MRTFA: variants seen among roughly 807,000 people sequenced by gnomAD.
The protein encoded by MRTFA is myocardin related transcription factor A, also known as myocardin-related transcription factor A.
MRTFA carries 20 observed loss-of-function variants against 83.5 expected under a neutral mutation model. The ratio of observed to expected loss-of-function variants is 0.24; its 90% CI spans 0.17 to 0.35. The LOEUF (loss-of-function observed/expected upper bound fraction) is 0.35, where lower values mean the gene tolerates loss of function less well. Among genes scored for constraint, MRTFA ranks in the 10% least tolerant of loss-of-function variants. The probability of loss-of-function intolerance (pLI) is 1.00; values close to 1 mark genes in which losing one functional copy is unlikely to be tolerated. For synonymous variants in MRTFA, 659 were observed against 541.2 expected (o/e 1.22, Z -3.02); for missense variants, 1,200 against 1,224.7 (o/e 0.98, Z 0.30).
At chr22:40,561,871 T>C (rs1380279303) in intron 2 of MRTFA, among the ~76,000 whole-genome samples, 1 of 152,044 alleles carries the variant, frequency 6.6e-6, no homozygotes, top group African/African-American at 2.4e-5. Context: ...GGTATGCCAG[T>C]TCAGGGTCTA....
chr22:40,505,715 T>C (rs1325698712), intron 3 of MRTFA, among the ~76,000 whole-genome samples: 1 of 152,200 alleles, frequency 6.6e-6, no homozygotes, highest in Admixed American at 6.5e-5. Context: ...TTCTGCCTTA[T>C]GCCATATGAG....
chr22:40,444,745 C>T lies in MRTFA; in HGVS notation c.308-9191G>A, dbSNP rs183717825. Among the ~76,000 whole-genome samples the T allele has an allele frequency of 9.0e-4, 137 of 151,888 alleles. 1 individual carries two copies. In the Middle Eastern group the frequency reaches 0.021, roughly 23 times the overall value. On this transcript the variant is annotated intron_variant, in intron 4 of 14. Coordinates refer to ENST00000355630, the MANE Select transcript of MRTFA (RefSeq NM_020831.6). ...TGCATGGAGGTGGGCAGGGGAGTTG[C>T]TTCTGACTTGATGTTTTATGTTTTA...
At chr22:40,413,609 A>T (rs2052610725) in intron 14 of MRTFA, among the ~76,000 whole-genome samples, 1 of 151,280 alleles carries the variant, frequency 6.6e-6, no homozygotes, top group Non-Finnish European at 1.5e-5. Context: ...GCCCGGATAA[A>T]TTTTTTGTAT....
rs143541937 is a variant in MRTFA, at chr22:40,520,603, C to T, written c.241+31503G>A. Among the ~76,000 whole-genome samples the T allele has an allele frequency of 8.8e-4, 134 of 152,206 alleles. 1 individual carries two copies. Among genetic ancestry groups the T allele is most frequent in the Admixed American group, 6.4e-3 (98 of 15,270 alleles). On this transcript the variant is annotated intron_variant, in intron 3 of 14. Coordinates refer to ENST00000355630, the MANE Select transcript of MRTFA (RefSeq NM_020831.6). Reference sequence around the variant, plus strand: ...CTGTATTTTTAGTAGACATAGGTTTCGCCATGTTGCCCAGGCTGGTCTCAA... The same window carrying T: ...CTGTATTTTTAGTAGACATAGGTTTTGCCATGTTGCCCAGGCTGGTCTCAA...
chr22:40,530,279 C>T (rs2055055408), intron 3 of MRTFA, among the ~76,000 whole-genome samples: 1 of 152,162 alleles, frequency 6.6e-6, no homozygotes, highest in African/African-American at 2.4e-5. Flanking sequence ...TCCATAATGT[C>T]CATCTTATTT....
intron 3 of MRTFA, among the ~76,000 whole-genome samples, chr22:40,525,204 T>C (rs907592943): frequency 1.3e-5 from 2 of 152,142 alleles, no homozygotes; most frequent in African/African-American, 4.8e-5. Context: ...AAATATAATG[T>C]CCCCTATGAA....
intron 1 of MRTFA, among the ~76,000 whole-genome samples, chr22:40,602,053 G>A (rs1602483244): frequency 6.6e-6 from 1 of 152,180 alleles, no homozygotes; most frequent in East Asian, 1.9e-4. Flanking sequence ...CCTGTTCCCT[G>A]GAATGTCCCA....
intron 2 of MRTFA, among the ~76,000 whole-genome samples, chr22:40,590,141 T>C (rs1315336997): frequency 2.0e-5 from 3 of 152,194 alleles, no homozygotes; most frequent in African/African-American, 7.2e-5. Context: ...TTAAACACTG[T>C]TAGCCAGGTT....
chr22:40,622,658 C>A (rs1194410820), intron 1 of MRTFA, among the ~76,000 whole-genome samples: 1 of 152,026 alleles, frequency 6.6e-6, no homozygotes, highest in East Asian at 1.9e-4. Flanking sequence ...AAGCCAGTAG[C>A]CACCAGAAGG....
At chr22:40,462,610 A>G (rs1368500194) in intron 4 of MRTFA, among the ~76,000 whole-genome samples, 1 of 152,180 alleles carries the variant, frequency 6.6e-6, no homozygotes, top group Non-Finnish European at 1.5e-5. Context: ...ATTAAAGGCA[A>G]ATTTCCTTAC....
At position 40,548,819 on chromosome 22, in the gene MRTFA, G is replaced by A. The variant is rs1046510490; in HGVS notation, c.241+3287C>T. Among the ~76,000 whole-genome samples, 16 of 151,296 alleles carry A rather than the reference G, an allele frequency of 1.1e-4. No individual in the cohort carries two copies. The East Asian group carries it at 2.0e-3, about 18-fold the overall frequency. ...GCGGAGGTTGCAGTGAGTCAAGATC[G>A]CGCCACTGCACTCCAGCCTGGCAAC... On this transcript the variant is annotated intron_variant, in intron 3 of 14. Transcript: ENST00000355630.
chr22:40,542,980 G>T (rs2055313358), intron 3 of MRTFA, among the ~76,000 whole-genome samples: 2 of 152,120 alleles, frequency 1.3e-5, no homozygotes, highest in African/African-American at 4.8e-5. Context: ...ACTCTATCTG[G>T]TATCTATTCT....
chr22:40,461,047 AT>A (rs2053701035), intron 4 of MRTFA, among the ~76,000 whole-genome samples: 1 of 151,474 alleles, frequency 6.6e-6, no homozygotes, highest in Non-Finnish European at 1.5e-5. Context: ...AAAAGTAAAA[AT>A]AATTAGCCAG....
At chr22:40,500,241 T>TC (rs1051299202) in intron 3 of MRTFA, among the ~76,000 whole-genome samples, 56 of 151,068 alleles carry the variant, frequency 3.7e-4, no homozygotes, top group Admixed American at 2.0e-4. Context: ...GTCTATGATT[T>TC]TTTTTTTTTT....
Position 40,424,347 on chromosome 22 carries a change from G to A in MRTFA, c.636C>T (p.Ser212=), listed in dbSNP as rs1481310829. The A allele has an allele frequency of 1.2e-6, 2 of 1,613,720 alleles. No individual in the cohort carries two copies. Among genetic ancestry groups the A allele is most frequent in the Admixed American group, 3.3e-5 (2 of 59,950 alleles). ...CGCTGCTGTCCTCATCGAAGGAAGA[G>A]CTGTCTGCTACTTTGGGATAGTTCA... The change falls in exon 8 of 15, where the codon AGC becomes AGT. Residue 212 remains serine, a synonymous_variant. Coordinates refer to ENST00000355630, the MANE Select transcript of MRTFA (RefSeq NM_020831.6).
chr22:40,553,534 C>T lies in MRTFA; in HGVS notation c.-21-1167G>A, dbSNP rs183842137. ...GCGTGCAAGCCCAAAACCTCAGCAG[C>T]CGCCATGTGGTGCTGAGCCTGCAGG... On this transcript the variant is annotated intron_variant, in intron 2 of 14. Coordinates refer to ENST00000355630, the MANE Select transcript of MRTFA (RefSeq NM_020831.6). 3.7e-3 allele frequency among the ~76,000 whole-genome samples: 564 copies of T among 152,268 alleles called. 8 individuals carry two copies. The highest frequency in any genetic ancestry group is 2.3e-3 in the Non-Finnish European group (158 of 68,022).
At chr22:40,616,057 C>T (rs1316285881) in intron 1 of MRTFA, among the ~76,000 whole-genome samples, 1 of 152,174 alleles carries the variant, frequency 6.6e-6, no homozygotes, top group South Asian at 2.1e-4. Context: ...TAAGTATACA[C>T]ATTTTTAAAA....
At chr22:40,596,819 C>CA (rs898742700) in intron 1 of MRTFA, among the ~76,000 whole-genome samples, 30 of 151,766 alleles carry the variant, frequency 2.0e-4, no homozygotes, top group African/African-American at 7.2e-4. Context: ...ACAACAACAA[C>CA]AAAAAAATAG....
chr22:40,419,847 C>G (rs2052790023), intron 11 of MRTFA, among the ~76,000 whole-genome samples: 1 of 152,234 alleles, frequency 6.6e-6, no homozygotes, highest in Admixed American at 6.5e-5. Context: ...ATGACCCACT[C>G]CTCTCCAAGG....
Sources: allele counts gnomAD v4.1 joint callset (sites outside exome capture counted in the v4.1 genomes callset), GRCh38; gene constraint gnomAD v4.1.1; transcripts MANE v1.5; gene names NCBI Gene and HGNC (gene_info 2026-07-23, HGNC 2026-07-21).